Variants in SAMD5 observed in about 807,000 individuals in gnomAD.
SAMD5 encodes the protein sterile alpha motif domain containing 5, also known as sterile alpha motif domain-containing protein 5.
A neutral mutation model predicts 11.3 loss-of-function variants in SAMD5; 13 were observed. That is an observed-to-expected ratio of 1.15 (90% CI 0.75 to 1.83). The LOEUF is 1.83. SAMD5 is among the 40% of genes most tolerant of loss of function. The pLI is 0.00. For missense variants in SAMD5, 255 were observed against 239.1 expected, an observed-to-expected ratio of 1.07 and a Z score of -0.44; for synonymous variants, 129 against 111.3, an observed-to-expected ratio of 1.16 and a Z score of -1.00.
At chr6:147,728,005 C>A (rs1288545245) in intron 1 of SAMD5, among the ~76,000 whole-genome samples, 1 of 152,044 alleles carries the variant, frequency 6.6e-6, no homozygotes, top group African/African-American at 2.4e-5. Flanking sequence ...AGGGTGATTG[C>A]CTCTTTATGA....
chr6:147,829,817 G>A, the SAMD5 span, among the ~76,000 whole-genome samples: 6 of 152,094 alleles, frequency 3.9e-5, no homozygotes, highest in Admixed American at 2.6e-4. Context: ...GCTGCAGATG[G>A]TTCTACACAG....
chr6:147,932,645 G>A, the SAMD5 span, among the ~76,000 whole-genome samples: 5 of 146,714 alleles, frequency 3.4e-5, no homozygotes, highest in East Asian at 1.0e-3. Flanking sequence ...TGTGTTGGGG[G>A]AGGGGAATGA....
intron 1 of SAMD5, among the ~76,000 whole-genome samples, chr6:147,577,435 C>T (rs1789232698): frequency 6.6e-6 from 1 of 152,060 alleles, no homozygotes; most frequent in Non-Finnish European, 1.5e-5. Flanking sequence ...ACAATAATTG[C>T]CTCAAATTTT....
chr6:147,936,974 G>T, the SAMD5 span, among the ~76,000 whole-genome samples: 4 of 152,152 alleles, frequency 2.6e-5, no homozygotes, highest in Non-Finnish European at 5.9e-5. Flanking sequence ...GTGTGTTGAG[G>T]GGAGGACGAG....
At chr6:147,744,615 A>AGGC in the SAMD5 span, among the ~76,000 whole-genome samples, 1 of 152,156 alleles carries the variant, frequency 6.6e-6, no homozygotes, top group Non-Finnish European at 1.5e-5. Flanking sequence ...AAAGAAACCC[A>AGGC]GGCTGGGCGC....
chr6:147,816,627 G>A, the SAMD5 span, among the ~76,000 whole-genome samples: 1 of 151,944 alleles, frequency 6.6e-6, no homozygotes, highest in East Asian at 1.9e-4. Flanking sequence ...CTGTGTGTTT[G>A]CAAAACTATA....
At chr6:147,646,890 T>C (rs974898) in intron 1 of SAMD5, among the ~76,000 whole-genome samples, 1 of 150,922 alleles carries the variant, frequency 6.6e-6, no homozygotes, top group Non-Finnish European at 1.5e-5. Flanking sequence ...GTAATCCCAG[T>C]ACTTTGGGAG....
intron 1 of SAMD5, among the ~76,000 whole-genome samples, chr6:147,554,023 A>G (rs2128443361): frequency 6.6e-6 from 1 of 152,300 alleles, no homozygotes; most frequent in Non-Finnish European, 1.5e-5. Context: ...CAAAAGGGAA[A>G]GAGCTTTAAT....
At chr6:147,660,342 G>A (rs941305122) in intron 1 of SAMD5, among the ~76,000 whole-genome samples, 15 of 152,288 alleles carry the variant, frequency 9.8e-5, no homozygotes, top group Middle Eastern at 3.4e-3. Context: ...CATGCCCTGG[G>A]AGACGGGATT....
the SAMD5 span, among the ~76,000 whole-genome samples, chr6:147,866,912 A>AT: frequency 6.6e-6 from 1 of 152,142 alleles, no homozygotes; most frequent in Admixed American, 6.6e-5. Context: ...AATTTTGTTA[A>AT]TATATATTGT....
At chr6:147,932,228 C>T in the SAMD5 span, among the ~76,000 whole-genome samples, 2 of 152,052 alleles carry the variant, frequency 1.3e-5, no homozygotes, top group African/African-American at 2.4e-5. Context: ...AGAGCAAAGA[C>T]CTGCAACAAA....
intron 1 of SAMD5, among the ~76,000 whole-genome samples, chr6:147,677,191 C>T (rs183874500): frequency 1.2e-3 from 184 of 152,174 alleles, no homozygotes; most frequent in African/African-American, 4.0e-3. Flanking sequence ...TCTGCAAACC[C>T]GGACCTCTCT....
intron 1 of SAMD5, among the ~76,000 whole-genome samples, chr6:147,617,727 G>T (rs1326342902): frequency 6.6e-6 from 1 of 152,164 alleles, no homozygotes; most frequent in Admixed American, 6.5e-5. Context: ...ACAGGGCTAG[G>T]GCTAGGAGAA....
intron 1 of SAMD5, among the ~76,000 whole-genome samples, chr6:147,646,359 T>C (rs2128452901): frequency 6.6e-6 from 1 of 152,296 alleles, no homozygotes; most frequent in African/African-American, 2.4e-5. Context: ...TTTGCATCAA[T>C]TGTTTATGCT....
At chr6:147,510,813 C>T (rs1583062127) in intron 1 of SAMD5, among the ~76,000 whole-genome samples, 1 of 152,192 alleles carries the variant, frequency 6.6e-6, no homozygotes, top group African/African-American at 2.4e-5. Context: ...AAATTAAACA[C>T]GTGTTCCAGT....
intron 1 of SAMD5, among the ~76,000 whole-genome samples, chr6:147,699,508 A>C (rs1176400867): frequency 6.6e-6 from 1 of 152,240 alleles, no homozygotes; most frequent in Admixed American, 6.5e-5. Context: ...TCATACAAGC[A>C]GTGAACTAAA....
In SAMD5 at chr6:147,509,017, T is replaced by C; in HGVS notation, c.89T>C (p.Leu30Pro). ...TTCGTGGATAACGGCTACGATGACC[T>C]GGAGGTGTGCAAGCAGATCGGGGAC... The part of the protein sequence containing the change: ...ESFVDNGYDD[L>P]EVCKQIGDPD... The change falls in exon 1 of 2, where the codon CTG (leucine) becomes CCG (proline). Residue 30 changes from leucine to proline, a missense_variant. Leu to Pro is a moderately conservative substitution (Grantham distance 98, BLOSUM62 -3). Transcript: ENST00000367474. 6.2e-7 allele frequency: 1 copy of C among 1,607,772 alleles called. No homozygotes were observed. Among genetic ancestry groups the C allele is most frequent in the Non-Finnish European group, 8.5e-7 (1 of 1,177,726 alleles).
intron 1 of SAMD5, among the ~76,000 whole-genome samples, chr6:147,548,997 G>A (rs1225919467): frequency 6.6e-6 from 1 of 152,100 alleles, no homozygotes; most frequent in Admixed American, 6.5e-5. Context: ...ACTGTGCATG[G>A]TTCACAAATT....
intron 1 of SAMD5, among the ~76,000 whole-genome samples, chr6:147,684,040 A>C (rs1790975237): frequency 6.6e-6 from 1 of 152,304 alleles, no homozygotes; most frequent in South Asian, 2.1e-4. Flanking sequence ...CAAGGTGACC[A>C]CACCCATGTC....
Sources: gnomAD v4.1 joint callset for allele counts (sites outside exome capture counted in the v4.1 genomes callset) on GRCh38, gnomAD v4.1.1 for gene constraint, MANE v1.5 for transcripts, NCBI Gene and HGNC (gene_info 2026-07-23, HGNC 2026-07-21) for gene names.